The following CSTPP1 variants were observed in gnomAD, a reference collection of about 807,000 sequenced individuals.
CSTPP1 encodes the protein centriolar satellite-associated tubulin polyglutamylase complex regulator 1.
At chr11:46,975,939 C>A in the CSTPP1 span, among the ~76,000 whole-genome samples, 2 of 152,070 alleles carry the variant, frequency 1.3e-5, no homozygotes, top group Non-Finnish European at 2.9e-5. Context: ...ATTTTAAGTC[C>A]TGGTGAAGAG....
the CSTPP1 span, among the ~76,000 whole-genome samples, chr11:46,938,142 G>A: frequency 3.2e-3 from 480 of 150,832 alleles, 1 homozygote; most frequent in Non-Finnish European, 5.0e-3. Context: ...CCAAAGTGTT[G>A]GGATTACAGG....
At chr11:47,072,682 TATATACAC>T in the CSTPP1 span, among the ~76,000 whole-genome samples, 2 of 151,920 alleles carry the variant, frequency 1.3e-5, no homozygotes, top group East Asian at 3.9e-4. Context: ...AAAATATATA[TATATACAC>T]ACACACATAT....
At chr11:47,068,288 T>TTGC in the CSTPP1 span, among the ~76,000 whole-genome samples, 1 of 152,176 alleles carries the variant, frequency 6.6e-6, no homozygotes, top group African/African-American at 2.4e-5. Flanking sequence ...TCCCAGTACT[T>TTGC]TGAGAGGCTG....
chr11:47,034,434 T>C, the CSTPP1 span, among the ~76,000 whole-genome samples: 3 of 152,148 alleles, frequency 2.0e-5, no homozygotes, highest in Admixed American at 6.5e-5. Context: ...GTGGCATTTT[T>C]CCCCTTAGCA....
the CSTPP1 span, among the ~76,000 whole-genome samples, chr11:47,096,798 T>TTAAG: frequency 6.9e-6 from 1 of 145,954 alleles, no homozygotes; most frequent in Non-Finnish European, 1.5e-5. Context: ...TTCTGCAATG[T>TTAAG]TAAGGCCCAG....
the CSTPP1 span, among the ~76,000 whole-genome samples, chr11:47,115,795 G>A: frequency 6.7e-6 from 1 of 150,266 alleles, no homozygotes; most frequent in African/African-American, 2.4e-5. Context: ...TTTTTTGTAG[G>A]GTTTTTTGTG....
chr11:46,989,154 C>T, the CSTPP1 span, among the ~76,000 whole-genome samples: 2 of 151,864 alleles, frequency 1.3e-5, no homozygotes, highest in African/African-American at 2.4e-5. Flanking sequence ...CGCTTGAACC[C>T]AGTAGGCAGA....
the CSTPP1 span, among the ~76,000 whole-genome samples, chr11:47,057,039 G>A: frequency 6.6e-6 from 1 of 152,110 alleles, no homozygotes; most frequent in Non-Finnish European, 1.5e-5. Context: ...TTTTATTCCA[G>A]TTTTTAGCAA....
At chr11:46,971,065 G>A in the CSTPP1 span, among the ~76,000 whole-genome samples, 3 of 152,284 alleles carry the variant, frequency 2.0e-5, no homozygotes, top group East Asian at 5.8e-4. Flanking sequence ...TGCAACATTT[G>A]TCAACAAGTA....
At chr11:46,964,215 C>A in the CSTPP1 span, among the ~76,000 whole-genome samples, 7 of 152,072 alleles carry the variant, frequency 4.6e-5, no homozygotes, top group African/African-American at 1.7e-4. Context: ...CACAATTCTT[C>A]CATCAAACTG....
At chr11:47,022,701 C>T in the CSTPP1 span, among the ~76,000 whole-genome samples, 2 of 152,062 alleles carry the variant, frequency 1.3e-5, no homozygotes, top group African/African-American at 4.8e-5. Flanking sequence ...CATACACTAT[C>T]CATATCCTCT....
At chr11:46,960,260 G>C in the CSTPP1 span, among the ~76,000 whole-genome samples, 5 of 152,146 alleles carry the variant, frequency 3.3e-5, no homozygotes, top group East Asian at 1.9e-4. Context: ...TCAGTTTCCT[G>C]TGTAGGTGAG....
the CSTPP1 span, chr11:47,052,517 C>CG: frequency 6.2e-7 from 1 of 1,612,874 alleles, no homozygotes; most frequent in Non-Finnish European, 8.5e-7. Flanking sequence ...GCAAAAATGG[C>CG]GGTAAGTCTT....
At chr11:47,143,263 A>G in the CSTPP1 span, among the ~76,000 whole-genome samples, 33 of 152,312 alleles carry the variant, frequency 2.2e-4, no homozygotes, top group African/African-American at 7.9e-4. Flanking sequence ...TTCCCCACAC[A>G]CATACCTATG....
At chr11:47,100,053 T>C in the CSTPP1 span, among the ~76,000 whole-genome samples, 1 of 152,230 alleles carries the variant, frequency 6.6e-6, no homozygotes, top group Non-Finnish European at 1.5e-5. Context: ...TGCTTTCCTA[T>C]TTTATAGGAT....
the CSTPP1 span, chr11:47,041,452 G>A: frequency 1.4e-5 from 4 of 290,872 alleles, no homozygotes; most frequent in African/African-American, 4.2e-5. Context: ...GACCTAGAAC[G>A]TTGCATGTCT....
the CSTPP1 span, among the ~76,000 whole-genome samples, chr11:47,110,791 GC>G: frequency 2.0e-5 from 3 of 152,064 alleles, no homozygotes; most frequent in African/African-American, 4.8e-5. Context: ...ATTCCTGTCT[GC>G]AACTCCAGGG....
chr11:47,090,457 T>C, the CSTPP1 span, among the ~76,000 whole-genome samples: 3 of 151,738 alleles, frequency 2.0e-5, no homozygotes, highest in Non-Finnish European at 1.5e-5. Flanking sequence ...TATTAAAATG[T>C]CTTAAGATGG....
the CSTPP1 span, among the ~76,000 whole-genome samples, chr11:47,112,983 C>A: frequency 6.6e-6 from 1 of 152,166 alleles, no homozygotes; most frequent in African/African-American, 2.4e-5. Flanking sequence ...AATACTATCT[C>A]TCCCCACTCC....
Sources: gnomAD v4.1 joint callset for allele counts (sites outside exome capture counted in the v4.1 genomes callset) on GRCh38, gnomAD v4.1.1 for gene constraint, MANE v1.5 for transcripts, NCBI Gene and HGNC (gene_info 2026-07-23, HGNC 2026-07-21) for gene names.